NCAM1: variants seen among roughly 807,000 people sequenced by gnomAD.
NCAM1 encodes antigen recognized by monoclonal antibody 5.1H11.
A neutral mutation model predicts 109.8 loss-of-function variants in NCAM1; 14 were observed. The ratio of observed to expected loss-of-function variants is 0.13; its 90% CI spans 0.08 to 0.20. NCAM1 has a LOEUF of 0.20. Ranked by LOEUF, NCAM1 falls within the 10% of genes least tolerant of loss-of-function variation. NCAM1 has a pLI of 1.00. For missense variants in NCAM1, 774 were observed against 1,109.9 expected, an observed-to-expected ratio of 0.70 and a Z score of 4.30; for synonymous variants, 418 against 442.9, an observed-to-expected ratio of 0.94 and a Z score of 0.70.
chr11:112,964,140 G>GTTTTTTTTTT (rs1254307069), intron 1 of NCAM1, among the ~76,000 whole-genome samples: 10 of 72,860 alleles, frequency 1.4e-4, no homozygotes, highest in East Asian at 3.8e-4. Context: ...TTTTTTTTTT[G>GTTTTTTTTTT]TTTTTTTTTT....
chr11:113,118,642 C>T (rs1386811202), intron 1 of NCAM1, among the ~76,000 whole-genome samples: 1 of 151,906 alleles, frequency 6.6e-6, no homozygotes, highest in African/African-American at 2.4e-5. Context: ...TGGCCCGATT[C>T]GTGGCCTCTA....
At chr11:113,123,532 G>A (rs1033708487) in intron 1 of NCAM1, among the ~76,000 whole-genome samples, 3 of 152,140 alleles carry the variant, frequency 2.0e-5, no homozygotes, top group Admixed American at 6.5e-5. Flanking sequence ...CGGAGATAGT[G>A]TCTCTCACAC....
intron 1 of NCAM1, among the ~76,000 whole-genome samples, chr11:113,163,345 C>T (rs1373918241): frequency 2.6e-5 from 4 of 152,254 alleles, no homozygotes; most frequent in Non-Finnish European, 4.4e-5. Context: ...GCTCAGCAGC[C>T]GGGTCAGCCA....
At chr11:113,160,996 T>C (rs1555104269) in intron 1 of NCAM1, among the ~76,000 whole-genome samples, 1 of 152,166 alleles carries the variant, frequency 6.6e-6, no homozygotes. Flanking sequence ...TATGGATGTG[T>C]TTGTGCAAGC....
At chr11:113,053,631 T>C (rs1451934705) in intron 1 of NCAM1, among the ~76,000 whole-genome samples, 1 of 152,188 alleles carries the variant, frequency 6.6e-6, no homozygotes, top group African/African-American at 2.4e-5. Flanking sequence ...AAAGAAAATT[T>C]TGTGAAGTTT....
At chr11:113,263,604 C>T in intron 17 of NCAM1, 1 of 985,506 alleles carries the variant, frequency 1.0e-6, no homozygotes, top group African/African-American at 1.7e-5. Context: ...CTTACACTGT[C>T]TCTGTGAACG....
rs1393780946 is a variant in NCAM1 at position 113,214,241 on chromosome 11, C to T, written c.917-128C>T. ...CCTTGGAGAGTCAGGTCTGCATCTCCTAAAACACCTAGACTAGGGTCTTGT... is the reference window on the plus strand; with the variant it reads ...CCTTGGAGAGTCAGGTCTGCATCTCTTAAAACACCTAGACTAGGGTCTTGT... On this transcript the variant is annotated intron_variant, in intron 7 of 19. Transcript: ENST00000316851. 3 of 964,552 alleles carry T rather than the reference C, an allele frequency of 3.1e-6. No homozygotes were observed. The African/African-American group carries it at 4.9e-5, about 16-fold the overall frequency. The allele number at this position is 964,552 out of a possible 1,614,324, so 59.7% of individuals were successfully genotyped here.
intron 1 of NCAM1, among the ~76,000 whole-genome samples, chr11:113,055,346 A>G (rs1306589726): frequency 6.6e-6 from 1 of 152,222 alleles, no homozygotes; most frequent in Non-Finnish European, 1.5e-5. Flanking sequence ...CCGTTACAAA[A>G]ATAATGAAGC....
At chr11:113,157,537 A>G (rs1591373759) in intron 1 of NCAM1, among the ~76,000 whole-genome samples, 1 of 152,154 alleles carries the variant, frequency 6.6e-6, no homozygotes, top group South Asian at 2.1e-4. Flanking sequence ...ATCACCCTCT[A>G]TATCATTAAC....
chr11:112,964,923 A>G (rs1950691329), intron 1 of NCAM1, among the ~76,000 whole-genome samples: 1 of 152,230 alleles, frequency 6.6e-6, no homozygotes, highest in Non-Finnish European at 1.5e-5. Context: ...TTGAGTTACT[A>G]TTCCCTCTAT....
intron 15 of NCAM1, among the ~76,000 whole-genome samples, chr11:113,255,394 C>T (rs1400581816): frequency 3.9e-5 from 6 of 152,112 alleles, no homozygotes; most frequent in Admixed American, 1.3e-4. Flanking sequence ...GAGATCAGGC[C>T]TCCCAGTCCC....
intron 14 of NCAM1, among the ~76,000 whole-genome samples, chr11:113,241,895 A>C (rs781845329): frequency 6.6e-5 from 10 of 152,220 alleles, no homozygotes; most frequent in Non-Finnish European, 1.5e-4. Context: ...GAGGTGACTC[A>C]AGCCTCAAGC....
intron 1 of NCAM1, among the ~76,000 whole-genome samples, chr11:113,102,531 A>G (rs1352717682): frequency 2.0e-5 from 3 of 152,190 alleles, no homozygotes; most frequent in Admixed American, 1.3e-4. Context: ...TATCCCAGCC[A>G]TTGTCAGATT....
chr11:113,075,233 A>T (rs1002976529), intron 1 of NCAM1, among the ~76,000 whole-genome samples: 11 of 151,622 alleles, frequency 7.3e-5, no homozygotes, highest in Non-Finnish European at 1.5e-4. Context: ...CACTCGGCAA[A>T]TTTTTTATAA....
intron 18 of NCAM1, 47 bp from the exon 19 acceptor site, chr11:113,271,713 C>T (rs782048544): frequency 2.3e-5 from 34 of 1,450,040 alleles, no homozygotes; most frequent in Non-Finnish European, 3.1e-5. Context: ...GTGGGAGCCC[C>T]TCCCTGCAGC....
At chr11:112,974,230 C>A (rs192898301) in intron 1 of NCAM1, among the ~76,000 whole-genome samples, 16 of 152,178 alleles carry the variant, frequency 1.1e-4, no homozygotes, top group African/African-American at 3.4e-4. Context: ...GATGCAATAT[C>A]TTTCATATCG....
intron 1 of NCAM1, among the ~76,000 whole-genome samples, chr11:113,150,162 A>G (rs1156994319): frequency 7.2e-5 from 11 of 152,260 alleles, no homozygotes; most frequent in African/African-American, 2.4e-4. Context: ...ATTGCGAAAA[A>G]TAAAGGTAAA....
In NCAM1 at chr11:113,242,921, C is replaced by G. The variant is rs1945377325; in HGVS notation, c.1826-3447C>G. The G allele has an allele frequency of 3.1e-6, 5 of 1,609,950 alleles. No individual in the cohort carries two copies. The East Asian group carries it at 6.7e-5, about 22-fold the overall frequency. ...TAGAGCCGACTTCTAGATTACAGCG[C>G]TGCCTGTTGTTTTCCCTTTTATTAA... is the stretch of plus-strand genomic sequence containing the variant. On this transcript the variant is annotated intron_variant, in intron 14 of 19. Coordinates refer to ENST00000316851, the MANE Select transcript of NCAM1 (RefSeq NM_181351.5).
At chr11:113,241,168 A>G (rs977085099) in intron 14 of NCAM1, among the ~76,000 whole-genome samples, 1 of 152,212 alleles carries the variant, frequency 6.6e-6, no homozygotes, top group African/African-American at 2.4e-5. Flanking sequence ...AAGCCAAAGG[A>G]ATTGACCAAG....
Sources: gnomAD v4.1 joint callset for allele counts (sites outside exome capture counted in the v4.1 genomes callset) on GRCh38, gnomAD v4.1.1 for gene constraint, MANE v1.5 for transcripts, NCBI Gene and HGNC (gene_info 2026-07-23, HGNC 2026-07-21) for gene names.